Variants in ZNF566 observed in about 807,000 individuals in gnomAD.
ZNF566 encodes the protein zinc finger protein 566.
In ZNF566, 27 loss-of-function variants were observed where a neutral mutation model predicts 32.8. That is an observed-to-expected ratio of 0.82 (90% CI 0.61 to 1.14). ZNF566 has a LOEUF of 1.14. Among genes scored for constraint, ZNF566 ranks in the 50% most tolerant of loss-of-function variants. ZNF566 has a pLI of 0.00. For synonymous variants in ZNF566, 154 were observed against 159.5 expected, an observed-to-expected ratio of 0.97 and a Z score of 0.26; for missense variants, 402 against 490.4, an observed-to-expected ratio of 0.82 and a Z score of 1.70.
chr19:36,449,484 A>T lies in ZNF566; in HGVS notation c.750T>A (p.Thr250=), dbSNP rs1195709960. The T allele has an allele frequency of 6.8e-6, 11 of 1,614,158 alleles. No homozygotes were observed. Among genetic ancestry groups the T allele is most frequent in the Non-Finnish European group, 9.3e-6 (11 of 1,180,022 alleles). ...SDLTRHHRIH[T]GEKPYECKEC... is the part of the protein sequence containing the mutation. ...CCTTACATTCATAGGGTTTCTCACC[A>T]GTGTGAATTCTGTGATGTCGAGTAA... The change falls in exon 5 of 5, where the codon ACT becomes ACA. Residue 250 remains threonine, a synonymous_variant. Transcript: ENST00000452939.
chr19:36,453,548 C>T (rs1384480218), intron 4 of ZNF566, among the ~76,000 whole-genome samples: 1 of 148,398 alleles, frequency 6.7e-6, no homozygotes, highest in Admixed American at 6.7e-5. Context: ...ATAAATAAAC[C>T]TACAATCATT....
chr19:36,470,811 G>A (rs1420304731), intron 4 of ZNF566, among the ~76,000 whole-genome samples: 3 of 152,152 alleles, frequency 2.0e-5, no homozygotes, highest in Non-Finnish European at 4.4e-5. Context: ...TCGGGAGGAT[G>A]AGGCACGAGA....
At chr19:36,477,594 A>G (rs2033928384) in intron 1 of ZNF566, among the ~76,000 whole-genome samples, 3 of 139,856 alleles carry the variant, frequency 2.1e-5, no homozygotes. Context: ...GCTGGAGTGC[A>G]ATGGCGCGAT....
rs1203806766 is a variant in ZNF566 at position 36,448,711 on chromosome 19, T to C, written c.*266A>G. The C allele has an allele frequency of 1.7e-5, 5 of 289,742 alleles. No homozygotes were observed. In the East Asian group the frequency reaches 1.8e-4, roughly 10 times the overall value. The allele number at this position is 289,742 out of a possible 1,614,324, so 17.9% of individuals were successfully genotyped here. ...TAGAAAGGTGTTAAAAGTGCTGTCA[T>C]TTTCAGTATGACAGACTGAATTATC... On this transcript the variant is annotated 3_prime_UTR_variant, in exon 5 of 5. Coordinates refer to ENST00000452939, the MANE Select transcript of ZNF566 (RefSeq NM_001145344.1).
At chr19:36,456,148 T>A (rs1456702620) in intron 4 of ZNF566, among the ~76,000 whole-genome samples, 1 of 151,332 alleles carries the variant, frequency 6.6e-6, no homozygotes, top group Non-Finnish European at 1.5e-5. Flanking sequence ...AAGAAGACAA[T>A]CCCATGTATA....
intron 4 of ZNF566, among the ~76,000 whole-genome samples, chr19:36,460,465 T>C (rs898569182): frequency 6.6e-6 from 1 of 151,972 alleles, no homozygotes; most frequent in Non-Finnish European, 1.5e-5. Flanking sequence ...ATGGAGGTAA[T>C]AAAGTCAATA....
intron 4 of ZNF566, among the ~76,000 whole-genome samples, chr19:36,458,107 A>C (rs1007588711): frequency 6.6e-6 from 1 of 152,182 alleles, no homozygotes; most frequent in Non-Finnish European, 1.5e-5. Context: ...GTATATATCC[A>C]AATGAAATCA....
intron 1 of ZNF566, among the ~76,000 whole-genome samples, chr19:36,482,405 A>G (rs1052656453): frequency 6.6e-6 from 1 of 152,116 alleles, no homozygotes; most frequent in Non-Finnish European, 1.5e-5. Context: ...GTCCCCTGCG[A>G]ATGTTTTCAC....
chr19:36,454,308 A>G (rs2033245023), intron 4 of ZNF566, among the ~76,000 whole-genome samples: 1 of 152,224 alleles, frequency 6.6e-6, no homozygotes, highest in Admixed American at 6.5e-5. Flanking sequence ...GATACACTGA[A>G]GACAAAGAGA....
At chr19:36,475,091 G>C (rs182963723) in intron 2 of ZNF566, among the ~76,000 whole-genome samples, 9 of 152,174 alleles carry the variant, frequency 5.9e-5, no homozygotes, top group Non-Finnish European at 1.0e-4. Flanking sequence ...TATCACCCAG[G>C]CCAAAGTGCA....
intron 3 of ZNF566, 86 bp from the exon 4 acceptor site, chr19:36,473,092 T>A: frequency 2.3e-6 from 3 of 1,284,718 alleles, no homozygotes; most frequent in Non-Finnish European, 3.3e-6. Context: ...AAGAAAGACA[T>A]GGCATTATGA....
intron 4 of ZNF566, among the ~76,000 whole-genome samples, chr19:36,462,162 A>G (rs1048517705): frequency 6.6e-5 from 10 of 151,564 alleles, no homozygotes; most frequent in South Asian, 2.1e-4. Flanking sequence ...CTAATTTTGT[A>G]TTTTTAGTAG....
intron 4 of ZNF566, among the ~76,000 whole-genome samples, chr19:36,467,928 G>A (rs1397537145): frequency 1.3e-5 from 2 of 150,878 alleles, no homozygotes; most frequent in Non-Finnish European, 2.9e-5. Context: ...GCTCACGCCT[G>A]TAATCCCAGC....
chr19:36,462,095 TCTC>T (rs906453119), intron 4 of ZNF566, among the ~76,000 whole-genome samples: 23 of 151,772 alleles, frequency 1.5e-4, no homozygotes, highest in African/African-American at 5.6e-4. Context: ...TTCAAGCAAT[TCTC>T]CTGCCTCAGC....
chr19:36,455,643 G>C (rs2033283523), intron 4 of ZNF566, among the ~76,000 whole-genome samples: 1 of 152,136 alleles, frequency 6.6e-6, no homozygotes, highest in African/African-American at 2.4e-5. Flanking sequence ...AGGAGGCTGA[G>C]GCACGAGAAT....
chr19:36,481,058 G>A (rs952823558), intron 1 of ZNF566, among the ~76,000 whole-genome samples: 3 of 152,054 alleles, frequency 2.0e-5, no homozygotes, highest in African/African-American at 4.8e-5. Context: ...AAAAGCACTA[G>A]TCATAAAAGA....
At chr19:36,456,380 CAAAAAAAAAAAAAA>C (rs59964294) in intron 4 of ZNF566, 1 of 96,532 alleles carries the variant, frequency 1.0e-5, no homozygotes. Context: ...TACTAAAATA[CAAAAAAAAAAAAAA>C]AAAAAAAAAT....
intron 4 of ZNF566, among the ~76,000 whole-genome samples, chr19:36,458,132 A>G (rs1246360015): frequency 3.3e-5 from 5 of 152,144 alleles, no homozygotes; most frequent in East Asian, 1.9e-4. Context: ...AGTATGGGGG[A>G]AAAAAAATCT....
At chr19:36,485,981 G>A (rs2034153217) in intron 1 of ZNF566, among the ~76,000 whole-genome samples, 1 of 152,138 alleles carries the variant, frequency 6.6e-6, no homozygotes, top group Non-Finnish European at 1.5e-5. Flanking sequence ...TGGAACCCAG[G>A]AGGTGGAGGT....
Sources: gnomAD v4.1 joint callset for allele counts (sites outside exome capture counted in the v4.1 genomes callset) on GRCh38, gnomAD v4.1.1 for gene constraint, MANE v1.5 for transcripts, NCBI Gene and HGNC (gene_info 2026-07-23, HGNC 2026-07-21) for gene names.